The following ALG6 variants were observed in gnomAD, a reference collection of about 807,000 sequenced individuals.
ALG6 encodes ALG6 alpha-1,3-glucosyltransferase, also known as dolichyl pyrophosphate Man9GlcNAc2 alpha-1,3-glucosyltransferase.
In ALG6, 46 loss-of-function variants were observed where a neutral mutation model predicts 66.6. That is an observed-to-expected ratio of 0.69 (90% CI 0.55 to 0.88). The LOEUF is 0.88. Ranked by LOEUF, ALG6 falls within the 40% of genes least tolerant of loss-of-function variation. ALG6 has a pLI of 0.00. For synonymous variants in ALG6, 185 were observed against 203.7 expected (o/e 0.91, Z 0.78); for missense variants, 505 against 586.8 (o/e 0.86, Z 1.44).
chr1:63,379,557 G>A (rs1162091298), intron 2 of ALG6, among the ~76,000 whole-genome samples: 1 of 151,956 alleles, frequency 6.6e-6, no homozygotes, highest in East Asian at 1.9e-4. Context: ...CAGGGCTCCT[G>A]GTAGCCAGGC....
intron 5 of ALG6, among the ~76,000 whole-genome samples, chr1:63,405,281 C>T (rs1490041319): frequency 1.3e-5 from 2 of 152,146 alleles, no homozygotes; most frequent in Non-Finnish European, 2.9e-5. Flanking sequence ...GAACCACATA[C>T]ACACCATGTG....
intron 2 of ALG6, among the ~76,000 whole-genome samples, chr1:63,375,802 G>A (rs1320601531): frequency 6.6e-6 from 1 of 151,822 alleles, no homozygotes. Flanking sequence ...GACCATTTAG[G>A]CTCTCTCTTT....
At chr1:63,368,191 G>A (rs1483121783) in intron 1 of ALG6, among the ~76,000 whole-genome samples, 1 of 152,170 alleles carries the variant, frequency 6.6e-6, no homozygotes, top group Non-Finnish European at 1.5e-5. Context: ...CAGTGGATGG[G>A]TTAGAAAATT....
intron 14 of ALG6, chr1:63,429,682 G>T (rs371852958): frequency 6.6e-6 from 1 of 152,476 alleles, no homozygotes; most frequent in African/African-American, 2.4e-5. Context: ...AGTACTACTG[G>T]ATTAGGGCCC....
intron 2 of ALG6, among the ~76,000 whole-genome samples, chr1:63,380,369 T>C (rs951093836): frequency 1.3e-5 from 2 of 152,122 alleles, no homozygotes; most frequent in Admixed American, 1.3e-4. Flanking sequence ...AGGAAGTAGT[T>C]TGGTGGCTGA....
chr1:63,377,089 G>T (rs1038398574), intron 2 of ALG6, among the ~76,000 whole-genome samples: 10 of 152,108 alleles, frequency 6.6e-5, no homozygotes, highest in African/African-American at 2.4e-4. Flanking sequence ...AGCCTCCCTA[G>T]TGGCTGGGAT....
chr1:63,372,240 A>G (rs1647952565), intron 2 of ALG6, among the ~76,000 whole-genome samples: 1 of 152,218 alleles, frequency 6.6e-6, no homozygotes, highest in East Asian at 1.9e-4. Flanking sequence ...TTAGCTGGGC[A>G]AATTATTTCG....
At chr1:63,371,455 G>T (rs1284639946) in intron 2 of ALG6, among the ~76,000 whole-genome samples, 1 of 152,126 alleles carries the variant, frequency 6.6e-6, no homozygotes, top group Non-Finnish European at 1.5e-5. Context: ...AGGGGGAATT[G>T]ATGGAGTGTG....
At chr1:63,412,947 A>T (rs1644523871) in intron 9 of ALG6, among the ~76,000 whole-genome samples, 1 of 152,198 alleles carries the variant, frequency 6.6e-6, no homozygotes. Context: ...AGATGGAACC[A>T]GCATTTTGAA....
chr1:63,403,857 A>G (rs1644477595), intron 4 of ALG6, among the ~76,000 whole-genome samples: 1 of 152,200 alleles, frequency 6.6e-6, no homozygotes. Context: ...TCATTGTCCT[A>G]CATATGGTCC....
At chr1:63,411,468 AAG>A in intron 8 of ALG6, 137 bp downstream of exon 8, 1 of 756,502 alleles carries the variant, frequency 1.3e-6, no homozygotes, top group South Asian at 1.9e-5. Flanking sequence ...GGTATGTGGG[AAG>A]AGAGAGATTA....
rs1375684577 is a variant in ALG6 at position 63,371,025 on chromosome 1, A to G, written c.48A>G (p.Thr16=). 2 of 1,611,030 alleles carry G rather than the reference A, an allele frequency of 1.2e-6. No individual in the cohort carries two copies. Among genetic ancestry groups the G allele is most frequent in the Admixed American group, 3.3e-5 (2 of 60,014 alleles). ...LMTVVVLIGL[T]VRWTVSLNSY... is the part of the protein sequence containing the mutation. ...CAGTAGTGGTTTTAATAGGACTAAC[A>G]GTACGATGGACAGTGTCTCTTAATT... The change falls in exon 2 of 15, where the codon ACA becomes ACG. Residue 16 remains threonine, a synonymous_variant. Coordinates refer to ENST00000263440, the MANE Select transcript of ALG6 (RefSeq NM_013339.4).
rs879133727 is a variant in ALG6, at chr1:63,411,278, A to AT, written c.634dup (p.Cys212LeufsTer9). On this transcript the variant is annotated frameshift_variant, in exon 8 of 15. Coordinates refer to ENST00000263440, the MANE Select transcript of ALG6 (RefSeq NM_013339.4). LOFTEE classifies it high-confidence loss of function. The stretch of plus-strand genomic sequence containing the variant: ...AGATGGAACTTTACCACGCCTTGCC[A>AT]TTTTTTTGCTTTTTACTTGGCAAGT... 1.2e-5 allele frequency: 20 copies of AT among 1,613,742 alleles called. No individual in the cohort carries two copies. Among genetic ancestry groups the AT allele is most frequent in the Non-Finnish European group, 1.7e-5 (20 of 1,179,846 alleles).
intron 2 of ALG6, among the ~76,000 whole-genome samples, chr1:63,372,557 GACAT>G (rs1046060519): frequency 8.6e-5 from 13 of 151,462 alleles, no homozygotes; most frequent in African/African-American, 2.9e-4. Flanking sequence ...TATATACACA[GACAT>G]ATATATGGAT....
chr1:63,378,566 A>T (rs536016939), intron 2 of ALG6, among the ~76,000 whole-genome samples: 1 of 152,190 alleles, frequency 6.6e-6, no homozygotes, highest in Non-Finnish European at 1.5e-5. Flanking sequence ...GGAATTCCAC[A>T]GATAGTATAG....
chr1:63,384,966 T>C (rs1648452034), intron 2 of ALG6, among the ~76,000 whole-genome samples: 1 of 152,120 alleles, frequency 6.6e-6, no homozygotes, highest in Non-Finnish European at 1.5e-5. Flanking sequence ...TGGGGTCTTT[T>C]GTGGTTCCAT....
chr1:63,395,246 C>G (rs1344643570), intron 2 of ALG6, among the ~76,000 whole-genome samples: 1 of 152,168 alleles, frequency 6.6e-6, no homozygotes, highest in Non-Finnish European at 1.5e-5. Flanking sequence ...TCCATTATCC[C>G]TTATTTGCAA....
At chr1:63,371,893 G>T (rs1019737464) in intron 2 of ALG6, among the ~76,000 whole-genome samples, 1 of 152,148 alleles carries the variant, frequency 6.6e-6, no homozygotes, top group Non-Finnish European at 1.5e-5. Flanking sequence ...GTGAGCCACC[G>T]CACCCAGCTA....
chr1:63,421,219 C>A (rs1464823325), intron 12 of ALG6, among the ~76,000 whole-genome samples: 1 of 152,034 alleles, frequency 6.6e-6, no homozygotes, highest in Non-Finnish European at 1.5e-5. Flanking sequence ...GCTCTTGTTG[C>A]CCAAGCTGGA....
Sources: allele counts gnomAD v4.1 joint callset (sites outside exome capture counted in the v4.1 genomes callset), GRCh38; gene constraint gnomAD v4.1.1; transcripts MANE v1.5; gene names NCBI Gene and HGNC (gene_info 2026-07-23, HGNC 2026-07-21).